Variants in TRPM3 observed in about 807,000 individuals in gnomAD.
TRPM3 encodes the protein transient receptor potential cation channel subfamily M member 3.
TRPM3 carries 77 observed loss-of-function variants against 181.2 expected under a neutral mutation model. The ratio of observed to expected loss-of-function variants is 0.42; its 90% CI spans 0.35 to 0.51. The LOEUF is 0.51. Ranked by LOEUF, TRPM3 falls within the 20% of genes least tolerant of loss-of-function variation. The pLI, the probability that TRPM3 is intolerant of heterozygous loss-of-function variation, is 0.01. For missense variants in TRPM3, 1,759 were observed against 2,196.7 expected, an observed-to-expected ratio of 0.80 and a Z score of 3.98; for synonymous variants, 745 against 796.4, an observed-to-expected ratio of 0.94 and a Z score of 1.09.
intron 9 of TRPM3, among the ~76,000 whole-genome samples, chr9:70,672,641 A>C (rs1023705835): frequency 6.6e-6 from 1 of 152,154 alleles, no homozygotes; most frequent in African/African-American, 2.4e-5. Context: ...GATCACCCTT[A>C]TTCTTGCCAT....
chr9:70,610,469 A>G (rs895541751), intron 19 of TRPM3, 140 bp downstream of exon 19: 3 of 1,035,290 alleles, frequency 2.9e-6, no homozygotes, highest in African/African-American at 1.6e-5. Flanking sequence ...TTGCAGAGCT[A>G]TTGAAAAAGC....
intron 1 of TRPM3, among the ~76,000 whole-genome samples, chr9:71,256,515 A>T (rs183797530): frequency 2.2e-4 from 33 of 151,912 alleles, no homozygotes; most frequent in African/African-American, 7.5e-4. Flanking sequence ...CATACTGGGG[A>T]GTATGGAGGG....
At chr9:71,289,540 T>G (rs1209760504) in intron 1 of TRPM3, among the ~76,000 whole-genome samples, 2 of 151,900 alleles carry the variant, frequency 1.3e-5, no homozygotes, top group African/African-American at 4.8e-5. Flanking sequence ...AGTAGGAAAA[T>G]CATAGTTAAC....
intron 1 of TRPM3, among the ~76,000 whole-genome samples, chr9:71,410,423 G>T (rs1237514306): frequency 6.6e-6 from 1 of 152,032 alleles, no homozygotes; most frequent in Non-Finnish European, 1.5e-5. Context: ...TAATAAAGGG[G>T]ATATCACCAC....
At chr9:71,342,221 T>C (rs1345847059) in intron 1 of TRPM3, among the ~76,000 whole-genome samples, 2 of 142,920 alleles carry the variant, frequency 1.4e-5, no homozygotes, top group Non-Finnish European at 3.1e-5. Context: ...TGCCAAACTT[T>C]ATGGAGAAGA....
At chr9:70,582,187 T>TGC (rs1306351839) in intron 22 of TRPM3, among the ~76,000 whole-genome samples, 2 of 146,788 alleles carry the variant, frequency 1.4e-5, no homozygotes, top group Non-Finnish European at 3.1e-5. Context: ...TGTGCGTGTG[T>TGC]GTGTGTGTGT....
intron 1 of TRPM3, among the ~76,000 whole-genome samples, chr9:71,148,041 G>A (rs1450988216): frequency 6.6e-6 from 1 of 151,486 alleles, no homozygotes; most frequent in Non-Finnish European, 1.5e-5. Flanking sequence ...ATCTAGTTTG[G>A]CACTTAATTA....
At chr9:71,185,340 C>G (rs192637432) in intron 1 of TRPM3, among the ~76,000 whole-genome samples, 100 of 152,224 alleles carry the variant, frequency 6.6e-4, no homozygotes, top group African/African-American at 2.4e-3. Flanking sequence ...GATCCCATCC[C>G]TTTATCTAAA....
At chr9:71,424,385 A>T (rs2093827283) in intron 1 of TRPM3, among the ~76,000 whole-genome samples, 1 of 152,114 alleles carries the variant, frequency 6.6e-6, no homozygotes, top group Admixed American at 6.6e-5. Context: ...CTCCTTGACC[A>T]CACATATGGC....
intron 1 of TRPM3, among the ~76,000 whole-genome samples, chr9:71,398,067 C>T (rs1336929396): frequency 3.3e-5 from 5 of 152,214 alleles, no homozygotes; most frequent in African/African-American, 1.2e-4. Flanking sequence ...CAGATGTTCA[C>T]ATCAGTGCTA....
intron 1 of TRPM3, among the ~76,000 whole-genome samples, chr9:70,886,520 C>A (rs1259534306): frequency 6.6e-6 from 1 of 152,164 alleles, no homozygotes; most frequent in African/African-American, 2.4e-5. Context: ...ACTTCTACCA[C>A]CTTTGCTGCC....
chr9:70,552,945 G>A lies in TRPM3; in HGVS notation c.3473C>T (p.Pro1158Leu), dbSNP rs1352519409. 6.2e-7 allele frequency: 1 copy of A among 1,614,064 alleles called. No homozygotes were observed. The highest frequency in any genetic ancestry group is 1.3e-5 in the African/African-American group (1 of 74,918). ...MTFHERPVLP[P>L]PLIIFSHMTM... Reference sequence around the variant, plus strand: ...CATGTGGCTGAAGATGATCAGTGGTGGGGGCAGAACTGGCCTTTCATGGAA... The same window carrying A: ...CATGTGGCTGAAGATGATCAGTGGTAGGGGCAGAACTGGCCTTTCATGGAA... The change falls in exon 24 of 26, where the codon CCA becomes CTA. Residue 1158 changes from proline (P) to leucine (L), a missense_variant. By Grantham distance (98) the Pro-to-Leu change is moderately conservative. Around this residue, in one of 8 missense-constraint regions of TRPM3, gnomAD observed 94 missense variants for 221.3 expected, o/e 0.42. Transcript: ENST00000677713.
intron 1 of TRPM3, among the ~76,000 whole-genome samples, chr9:71,050,436 GT>G (rs1338543467): frequency 6.6e-6 from 1 of 152,136 alleles, no homozygotes; most frequent in African/African-American, 2.4e-5. Context: ...TCCTAGACTA[GT>G]TTTAAAGTCC....
At chr9:70,931,615 TTTGCAGCAC>T (rs1284735417) in intron 1 of TRPM3, among the ~76,000 whole-genome samples, 6 of 152,126 alleles carry the variant, frequency 3.9e-5, no homozygotes, top group Admixed American at 1.3e-4. Flanking sequence ...CTATAATTCT[TTTGCAGCAC>T]AGAAAAATAA....
At chr9:70,743,227 C>T (rs1385169254) in intron 8 of TRPM3, among the ~76,000 whole-genome samples, 1 of 152,126 alleles carries the variant, frequency 6.6e-6, no homozygotes, top group Non-Finnish European at 1.5e-5. Context: ...GAATGTCTGG[C>T]TAAGGAACTG....
At chr9:70,927,571 T>C (rs2096732999) in intron 1 of TRPM3, among the ~76,000 whole-genome samples, 1 of 152,228 alleles carries the variant, frequency 6.6e-6, no homozygotes, top group Admixed American at 6.5e-5. Context: ...CTCTCTTGGA[T>C]TGCCAGTTTC....
chr9:71,129,788 C>T (rs2074262097), intron 1 of TRPM3, among the ~76,000 whole-genome samples: 1 of 152,194 alleles, frequency 6.6e-6, no homozygotes, highest in African/African-American at 2.4e-5. Flanking sequence ...ACTTATCTAA[C>T]CTAACACCAG....
chr9:70,594,981 G>A (rs775275485), intron 21 of TRPM3, among the ~76,000 whole-genome samples: 63 of 152,146 alleles, frequency 4.1e-4, no homozygotes, highest in Admixed American at 1.4e-3. Context: ...TGAAAGAGAA[G>A]CAAAGTCCCC....
At chr9:70,596,954 G>C (rs1310661517) in intron 21 of TRPM3, among the ~76,000 whole-genome samples, 3 of 152,004 alleles carry the variant, frequency 2.0e-5, no homozygotes, top group Non-Finnish European at 4.4e-5. Context: ...TTTTCTTTGA[G>C]ACAGAGTTTA....
Sources: gnomAD v4.1 joint callset for allele counts (sites outside exome capture counted in the v4.1 genomes callset) on GRCh38, gnomAD v4.1.1 for gene constraint, gnomAD v4.1.1 regional missense constraint, MANE v1.5 for transcripts, NCBI Gene and HGNC (gene_info 2026-07-23, HGNC 2026-07-21) for gene names.